The following RDX variants were observed in gnomAD, a reference collection of about 807,000 sequenced individuals.
The protein encoded by RDX is deafness, autosomal recessive 24.
Under a neutral mutation model 83.7 loss-of-function variants are expected in RDX, and 32 were observed. The ratio of observed to expected loss-of-function variants is 0.38; its 90% CI spans 0.29 to 0.51. The LOEUF is 0.51. RDX is among the 20% of genes least tolerant of loss of function. RDX has a pLI of 0.87. For missense variants in RDX, 600 were observed against 689.9 expected, an observed-to-expected ratio of 0.87 and a Z score of 1.46; for synonymous variants, 229 against 222.7, an observed-to-expected ratio of 1.03 and a Z score of -0.25.
intron 15 of RDX, among the ~76,000 whole-genome samples, chr11:110,199,099 G>A (rs1863308211): frequency 6.6e-6 from 1 of 152,110 alleles, no homozygotes; most frequent in African/African-American, 2.4e-5. Context: ...ATAGGCATGA[G>A]CTACCGCACC....
At chr11:110,207,461 G>A (rs1863647899) in intron 14 of RDX, among the ~76,000 whole-genome samples, 1 of 152,084 alleles carries the variant, frequency 6.6e-6, no homozygotes, top group Non-Finnish European at 1.5e-5. Context: ...CCTCCCTAGG[G>A]TCACATCAAA....
intron 3 of RDX, among the ~76,000 whole-genome samples, chr11:110,265,499 A>AATAT (rs5794684): frequency 6.8e-4 from 101 of 147,562 alleles, no homozygotes; most frequent in African/African-American, 1.8e-3. Flanking sequence ...GAGTCTTGAA[A>AATAT]ATATATATAT....
At chr11:110,203,266 G>T (rs373350690) in intron 14 of RDX, among the ~76,000 whole-genome samples, 2 of 152,020 alleles carry the variant, frequency 1.3e-5, no homozygotes, top group African/African-American at 4.8e-5. Flanking sequence ...AGCACAGAAG[G>T]ACAAAAATTG....
exon 16 of RDX, chr11:110,175,006 T>C (rs7941903): frequency 0.58 from 88,206 of 152,092 alleles, 26,066 homozygotes; most frequent in East Asian, 0.84. Context: ...CCTGCGACAA[T>C]GATGTCACTT....
chr11:110,258,247 C>T lies in RDX; in HGVS notation c.468-58G>A, dbSNP rs1859631270. Reference sequence around the variant, plus strand: ...TGACTTTAAGATTCAAAAGCATACACTTTAAAAGTAAAGAATCCTTTCAGT... The same window carrying T: ...TGACTTTAAGATTCAAAAGCATACATTTTAAAAGTAAAGAATCCTTTCAGT... On this transcript the variant is annotated intron_variant, in intron 5 of 13. Coordinates refer to ENST00000645495, the MANE Select transcript of RDX (RefSeq NM_002906.4). 2.6e-6 allele frequency: 3 copies of T among 1,140,716 alleles called. No homozygotes were observed. The South Asian group carries it at 4.1e-5, about 16-fold the overall frequency. 70.7% of individuals were successfully genotyped at this position (1,140,716 alleles called of 1,614,324 possible). A position where few individuals can be genotyped will look rare whatever the true frequency, so the allele number is the denominator to read the frequency against.
At chr11:110,210,744 T>C (rs1322911722) in intron 14 of RDX, among the ~76,000 whole-genome samples, 5 of 151,762 alleles carry the variant, frequency 3.3e-5, no homozygotes, top group African/African-American at 1.2e-4. Context: ...AAATTAAGCT[T>C]CATAAGTGAA....
intron 14 of RDX, among the ~76,000 whole-genome samples, chr11:110,223,735 T>G (rs1041218764): frequency 7.2e-5 from 11 of 152,176 alleles, no homozygotes; most frequent in African/African-American, 2.7e-4. Context: ...TAGCAAAATC[T>G]AAATTGATGA....
exon 16 of RDX, chr11:110,175,179 A>G (rs1174762037): frequency 6.6e-6 from 1 of 152,234 alleles, no homozygotes; most frequent in Admixed American, 6.5e-5. Context: ...TCTGTGTCCA[A>G]AGGAGGTTAT....
chr11:110,223,387 G>A (rs1864322056), intron 14 of RDX, among the ~76,000 whole-genome samples: 1 of 151,896 alleles, frequency 6.6e-6, no homozygotes, highest in African/African-American at 2.4e-5. Flanking sequence ...AAATTAGCCA[G>A]GCATGGTGGC....
chr11:110,276,349 C>T (rs1359814529), intron 2 of RDX, among the ~76,000 whole-genome samples: 1 of 151,832 alleles, frequency 6.6e-6, no homozygotes, highest in Non-Finnish European at 1.5e-5. Flanking sequence ...TAATTTTGTT[C>T]CACTGGTCAA....
At chr11:110,179,414 C>T (rs1591494957) in intron 15 of RDX, among the ~76,000 whole-genome samples, 1 of 152,184 alleles carries the variant, frequency 6.6e-6, no homozygotes. Context: ...ATGTTAAGGC[C>T]CCATCTTCCC....
intron 4 of RDX, 115 bp downstream of exon 4, chr11:110,264,664 T>C: frequency 1.4e-6 from 1 of 701,008 alleles, no homozygotes; most frequent in Non-Finnish European, 2.4e-6. Flanking sequence ...CTCATAATGA[T>C]TAACAGATAA....
At chr11:110,273,734 TTA>T (rs1860395124) in intron 2 of RDX, among the ~76,000 whole-genome samples, 1 of 152,254 alleles carries the variant, frequency 6.6e-6, no homozygotes, top group Admixed American at 6.5e-5. Flanking sequence ...TTAAATTATT[TTA>T]TCTTTTATTA....
At chr11:110,233,156 TTC>T (rs1864706230) in intron 13 of RDX, 79 bp downstream of exon 13, 2 of 1,559,644 alleles carry the variant, frequency 1.3e-6, no homozygotes, top group African/African-American at 2.7e-5. Flanking sequence ...AACTTCTATA[TTC>T]TTTTTAACTA....
At chr11:110,211,425 C>A (rs1157641939) in intron 14 of RDX, among the ~76,000 whole-genome samples, 1 of 150,028 alleles carries the variant, frequency 6.7e-6, no homozygotes, top group Non-Finnish European at 1.5e-5. Flanking sequence ...GACAGATCAA[C>A]GAGACAGAAA....
At chr11:110,197,215 A>G (rs1199269626) in intron 15 of RDX, among the ~76,000 whole-genome samples, 1 of 151,402 alleles carries the variant, frequency 6.6e-6, no homozygotes, top group Non-Finnish European at 1.5e-5. Flanking sequence ...ATGGCTTTAG[A>G]TGTCACGTTT....
chr11:110,229,537 G>A lies in RDX; in HGVS notation c.*2332C>T, dbSNP rs911333837. On this transcript the variant is annotated 3_prime_UTR_variant, in exon 14 of 14. Coordinates refer to ENST00000645495, the MANE Select transcript of RDX (RefSeq NM_002906.4). ...ACTTAATTGTACAACACAAAATTATGCTAATGGTAAAAGCCTACTGGGATT... is the reference window on the plus strand; with the variant it reads ...ACTTAATTGTACAACACAAAATTATACTAATGGTAAAAGCCTACTGGGATT... 6.6e-6 allele frequency: 1 copy of A among 152,394 alleles called. No individual in the cohort carries two copies. Among genetic ancestry groups the A allele is most frequent in the African/African-American group, 2.4e-5 (1 of 41,418 alleles). 9.4% of individuals were successfully genotyped at this position (152,394 alleles called of 1,614,324 possible).
chr11:110,258,139 T>C lies in RDX; in HGVS notation c.518A>G (p.Gln173Arg), dbSNP rs1278022845. Reference protein sequence around the residue: ...LTKEQWEERIQNWHEEHRGML... With the variant: ...LTKEQWEERIRNWHEEHRGML... ...TCCTCTATGTTCTTCATGCCAGTTCTGTATTCTTTCTTCCCACTGTTCTTT... is the reference window on the plus strand; with the variant it reads ...TCCTCTATGTTCTTCATGCCAGTTCCGTATTCTTTCTTCCCACTGTTCTTT... The change falls in exon 6 of 14, where the codon CAG becomes CGG. Residue 173 changes from glutamine to arginine, a missense_variant. Physicochemically the swap from Gln to Arg is conservative, Grantham distance 43. Transcript: ENST00000645495. The C allele has an allele frequency of 1.2e-6, 2 of 1,611,700 alleles. No homozygotes were observed. Among genetic ancestry groups the C allele is most frequent in the Admixed American group, 1.7e-5 (1 of 59,972 alleles).
intron 6 of RDX, 41 bp downstream of exon 6, chr11:110,258,065 T>A: frequency 6.6e-7 from 1 of 1,514,454 alleles, no homozygotes; most frequent in South Asian, 1.1e-5. Flanking sequence ...GAAAATACTT[T>A]GAAGGAAAAA....
Sources: gnomAD v4.1 joint callset for allele counts (sites outside exome capture counted in the v4.1 genomes callset) on GRCh38, gnomAD v4.1.1 for gene constraint, MANE v1.5 for transcripts, NCBI Gene and HGNC (gene_info 2026-07-23, HGNC 2026-07-21) for gene names.